Variants in SCNN1G observed in about 807,000 individuals in gnomAD.
The protein encoded by SCNN1G is sodium channel epithelial 1 subunit gamma.
SCNN1G carries 27 observed loss-of-function variants against 64.6 expected under a neutral mutation model. The ratio of observed to expected loss-of-function variants is 0.42; its 90% CI spans 0.31 to 0.58. SCNN1G has a LOEUF of 0.58. Among genes scored for constraint, SCNN1G ranks in the 20% least tolerant of loss-of-function variants. SCNN1G has a pLI of 0.18. For missense variants in SCNN1G, 743 were observed against 823.4 expected, an observed-to-expected ratio of 0.90 and a Z score of 1.19; for synonymous variants, 330 against 314.2, an observed-to-expected ratio of 1.05 and a Z score of -0.53.
intron 5 of SCNN1G, 24 bp downstream of exon 5, chr16:23,194,298 A>T (rs1959760445): frequency 6.7e-7 from 1 of 1,483,630 alleles, no homozygotes; most frequent in African/African-American, 1.4e-5. Context: ...TGCCAAGGAG[A>T]TCTTGAGGCC....
chr16:23,212,382 A>G (rs1433809079), intron 8 of SCNN1G, among the ~76,000 whole-genome samples: 2 of 152,212 alleles, frequency 1.3e-5, no homozygotes, highest in Admixed American at 6.5e-5. Flanking sequence ...TTACCTTTTC[A>G]CAGAATAGAT....
chr16:23,196,868 T>C (rs1398127102), intron 5 of SCNN1G, among the ~76,000 whole-genome samples: 2 of 152,182 alleles, frequency 1.3e-5, no homozygotes, highest in Non-Finnish European at 2.9e-5. Context: ...ATTCATCTCT[T>C]CTCTGAGTGC....
chr16:23,211,080 T>C (rs1960071644), intron 7 of SCNN1G, among the ~76,000 whole-genome samples: 1 of 152,186 alleles, frequency 6.6e-6, no homozygotes, highest in Non-Finnish European at 1.5e-5. Context: ...TACTTCTGGA[T>C]GACATTTAGT....
At chr16:23,187,325 T>C (rs1959630067) in intron 2 of SCNN1G, among the ~76,000 whole-genome samples, 1 of 152,088 alleles carries the variant, frequency 6.6e-6, no homozygotes, top group African/African-American at 2.4e-5. Context: ...CTCAGGCTGG[T>C]CTCAAACTCC....
chr16:23,213,380 G>A (rs566088032), intron 11 of SCNN1G, among the ~76,000 whole-genome samples: 3 of 151,100 alleles, frequency 2.0e-5, no homozygotes, highest in African/African-American at 2.4e-5. Context: ...AGCCTCCTAA[G>A]TAGCTGGGAT....
rs1959608905 is a variant in SCNN1G at position 23,186,494 on chromosome 16, G to C, written c.223G>C (p.Val75Leu). The change falls in exon 2 of 13, where the codon GTC (valine) becomes CTC (leucine). Residue 75 changes from valine (V) to leucine (L), a missense_variant. Val to Leu is a conservative substitution (Grantham distance 32, BLOSUM62 1). Coordinates refer to ENST00000300061, the MANE Select transcript of SCNN1G (RefSeq NM_001039.4). Reference sequence around the variant, plus strand: ...CATCCTCTGGCAGTGCGCCCTCCTCGTCTTCTCCTTCTATACTGTCTCAGT... The same window carrying C: ...CATCCTCTGGCAGTGCGCCCTCCTCCTCTTCTCCTTCTATACTGTCTCAGT... ...ALILWQCALL[V>L]FSFYTVSVSI... 1.2e-6 allele frequency: 2 copies of C among 1,614,000 alleles called. No homozygotes were observed. Among genetic ancestry groups the C allele is most frequent in the African/African-American group, 2.7e-5 (2 of 75,048 alleles).
intron 5 of SCNN1G, among the ~76,000 whole-genome samples, chr16:23,196,248 T>C (rs1283855853): frequency 1.3e-5 from 2 of 152,158 alleles, no homozygotes; most frequent in South Asian, 4.1e-4. Context: ...CACAAGAACA[T>C]TCCAGGGACT....
At chr16:23,202,401 T>C (rs1348905817) in intron 6 of SCNN1G, among the ~76,000 whole-genome samples, 1 of 151,852 alleles carries the variant, frequency 6.6e-6, no homozygotes, top group Non-Finnish European at 1.5e-5. Context: ...GGTGCATGGA[T>C]GGATGGATGC....
At chr16:23,209,994 C>T in intron 7 of SCNN1G, 146 bp downstream of exon 7, 2 of 705,384 alleles carry the variant, frequency 2.8e-6, no homozygotes, top group South Asian at 1.5e-5. Context: ...ACAAATGATG[C>T]CGGCTGGTTC....
chr16:23,189,268 G>A, intron 2 of SCNN1G, 103 bp from the exon 3 acceptor site: 1 of 1,184,912 alleles, frequency 8.4e-7, no homozygotes, highest in East Asian at 2.3e-5. Context: ...GGGAAAGGTG[G>A]GCATGAGGCT....
intron 3 of SCNN1G, among the ~76,000 whole-genome samples, chr16:23,190,213 A>G (rs1286925996): frequency 2.0e-5 from 3 of 152,126 alleles, no homozygotes; most frequent in African/African-American, 4.8e-5. Context: ...ACAAACCTGC[A>G]TGTTCTGCAC....
chr16:23,197,555 C>A, intron 6 of SCNN1G, 128 bp downstream of exon 6: 2 of 829,236 alleles, frequency 2.4e-6, no homozygotes, highest in Non-Finnish European at 4.0e-6. Context: ...CCAGATTTTC[C>A]CATGGTTATC....
At position 23,189,546 on chromosome 16, in the gene SCNN1G, C is replaced by T. The variant is rs768816963; in HGVS notation, c.493C>T (p.Gln165Ter). 2 of 1,614,232 alleles carry T rather than the reference C, an allele frequency of 1.2e-6. No individual in the cohort carries two copies. Among genetic ancestry groups the T allele is most frequent in the Non-Finnish European group, 1.7e-6 (2 of 1,180,038 alleles). ...SHRIPLLIFD[Q>*]DEKGKARDFF... ...CCGGATTCCGCTGCTGATCTTTGATCAGGATGAGAAGGGCAAGGCCAGGGA... is the reference window on the plus strand; with the variant it reads ...CCGGATTCCGCTGCTGATCTTTGATTAGGATGAGAAGGGCAAGGCCAGGGA... Residue 165 changes from glutamine (Q) to a stop codon, truncating the protein, a stop_gained, in exon 3 of 13, where the codon CAG becomes TAG. Transcript: ENST00000300061. LOFTEE classifies it high-confidence loss of function.
intron 6 of SCNN1G, among the ~76,000 whole-genome samples, chr16:23,204,234 ATGCCAC>A (rs1425010876): frequency 3.5e-5 from 5 of 143,774 alleles, no homozygotes; most frequent in Non-Finnish European, 7.5e-5. Context: ...AGCTGTGGCC[ATGCCAC>A]TGCACTGCAG....
chr16:23,202,112 T>C (rs1204995690), intron 6 of SCNN1G, among the ~76,000 whole-genome samples: 1 of 152,202 alleles, frequency 6.6e-6, no homozygotes, highest in Non-Finnish European at 1.5e-5. Flanking sequence ...CCACCACACC[T>C]GACCAAAGAC....
At chr16:23,190,660 C>G (rs1392363473) in intron 3 of SCNN1G, among the ~76,000 whole-genome samples, 1 of 151,958 alleles carries the variant, frequency 6.6e-6, no homozygotes, top group East Asian at 1.9e-4. Context: ...ACAATCTCAC[C>G]AGGCTGTATC....
intron 5 of SCNN1G, among the ~76,000 whole-genome samples, chr16:23,194,706 G>C (rs1959768855): frequency 6.6e-6 from 1 of 152,216 alleles, no homozygotes; most frequent in Admixed American, 6.5e-5. Context: ...GCCACTCACT[G>C]TGTGACCTTG....
intron 6 of SCNN1G, among the ~76,000 whole-genome samples, chr16:23,197,664 G>A (rs1959817881): frequency 6.6e-6 from 1 of 152,116 alleles, no homozygotes; most frequent in Non-Finnish European, 1.5e-5. Flanking sequence ...AGACCGAGGT[G>A]AGGTCAAGAG....
rs374379777 is a variant in SCNN1G at position 23,215,209 on chromosome 16, C to T, written c.1690C>T (p.Arg564Cys). ...FIDFFSIIAR[R>C]QWQKAKEWWA... ...TGACTTCTTCTCTATCATTGCCCGC[C>T]GCCAGTGGCAGAAAGCCAAGGAGTG... Residue 564 changes from arginine (R) to cysteine (C), a missense_variant, in exon 13 of 13, where the codon CGC (arginine) becomes TGC (cysteine). Coordinates refer to ENST00000300061, the MANE Select transcript of SCNN1G (RefSeq NM_001039.4). The T allele has an allele frequency of 9.9e-6, 16 of 1,614,158 alleles. No individual in the cohort carries two copies. The highest frequency in any genetic ancestry group is 4.4e-5 in the South Asian group (4 of 91,080).
Sources: gnomAD v4.1 joint callset for allele counts (sites outside exome capture counted in the v4.1 genomes callset) on GRCh38, gnomAD v4.1.1 for gene constraint, MANE v1.5 for transcripts, NCBI Gene and HGNC (gene_info 2026-07-23, HGNC 2026-07-21) for gene names.